PDZRN3: variants seen among roughly 807,000 people sequenced by gnomAD.
The protein encoded by PDZRN3 is E3 ubiquitin-protein ligase PDZRN3.
PDZRN3 carries 38 observed loss-of-function variants against 85.7 expected under a neutral mutation model. The ratio of observed to expected loss-of-function variants is 0.44; its 90% CI spans 0.34 to 0.58. The LOEUF is 0.58. PDZRN3 is among the 20% of genes least tolerant of loss of function. PDZRN3 has a pLI of 0.01. For missense variants in PDZRN3, 1,629 were observed against 1,506.4 expected (o/e 1.08, Z -1.35); for synonymous variants, 759 against 638.0 (o/e 1.19, Z -2.86).
At chr3:73,386,226 C>T (rs1182551847) in intron 8 of PDZRN3, among the ~76,000 whole-genome samples, 48 of 90,694 alleles carry the variant, frequency 5.3e-4, no homozygotes, top group East Asian at 1.3e-3. Flanking sequence ...CAAGATATCA[C>T]TTTTTTTTTT....
chr3:73,383,702 C>T lies in PDZRN3; in HGVS notation c.2864G>A (p.Ser955Asn). 1 of 1,611,648 alleles carries T rather than the reference C, an allele frequency of 6.2e-7. No homozygotes were observed. The highest frequency in any genetic ancestry group is 8.5e-7 in the Non-Finnish European group (1 of 1,180,018). ...CGCGTCGTCGTCGGTGGTCATGCCG[C>T]TGCGCTCTTCCCGGATCTTCAGGGC... ...ERALKIREER[S>N]GMTTDDDAVS... is the part of the protein sequence containing the mutation. Residue 955 changes from serine to asparagine, a missense_variant, in exon 10 of 10, where the codon AGC becomes AAC. Coordinates refer to ENST00000263666, the MANE Select transcript of PDZRN3 (RefSeq NM_015009.3).
intron 3 of PDZRN3, among the ~76,000 whole-genome samples, chr3:73,562,986 TATATA>T (rs1559739517): frequency 1.3e-4 from 3 of 22,924 alleles, no homozygotes; most frequent in Non-Finnish European, 2.2e-4. Context: ...TGGCAAATTA[TATATA>T]TATATATATA....
intron 3 of PDZRN3, among the ~76,000 whole-genome samples, chr3:73,582,808 T>C (rs1702220845): frequency 6.6e-6 from 1 of 152,148 alleles, no homozygotes; most frequent in Non-Finnish European, 1.5e-5. Flanking sequence ...TGCAGTGTTG[T>C]GGGGACAATG....
intron 3 of PDZRN3, among the ~76,000 whole-genome samples, chr3:73,513,247 T>C (rs1704199816): frequency 6.6e-6 from 1 of 152,222 alleles, no homozygotes; most frequent in South Asian, 2.1e-4. Context: ...TTCATAGTCA[T>C]CGTCTTCTTT....
intron 4 of PDZRN3, chr3:73,401,908 C>A (rs1323230132): frequency 6.6e-6 from 1 of 152,222 alleles, no homozygotes; most frequent in Admixed American, 6.5e-5. Flanking sequence ...TCTTCCCTCC[C>A]AGGCACTTAG....
intron 3 of PDZRN3, among the ~76,000 whole-genome samples, chr3:73,548,542 G>A (rs1701482270): frequency 6.6e-6 from 1 of 152,190 alleles, no homozygotes. Context: ...GACTTCCCTG[G>A]GATGTGGGCT....
intron 3 of PDZRN3, among the ~76,000 whole-genome samples, chr3:73,494,684 A>G (rs1293131122): frequency 3.3e-5 from 5 of 152,234 alleles, no homozygotes; most frequent in African/African-American, 9.6e-5. Context: ...TTCTTTAAAA[A>G]GCTTAATTTA....
At position 73,384,892 on chromosome 3, in the gene PDZRN3, G is replaced by C. The variant is rs771968144; in HGVS notation, c.1674C>G (p.Ala558=). The C allele has an allele frequency of 1.2e-6, 2 of 1,611,798 alleles. No individual in the cohort carries two copies. Among genetic ancestry groups the C allele is most frequent in the South Asian group, 2.2e-5 (2 of 90,872 alleles). Residue 558 remains alanine (A), a synonymous_variant, in exon 10 of 10, where the codon GCC becomes GCG. Transcript: ENST00000263666. ...TCTCGTGCTGGTTGGACAAGATGGT[G>C]GCTGTATCTGTGGTCCCACCGTCTT... ...HDEDGGTTDT[A]TILSNQHEKD...
chr3:73,620,723 C>T (rs1163048648), intron 1 of PDZRN3, among the ~76,000 whole-genome samples: 2 of 152,072 alleles, frequency 1.3e-5, no homozygotes, highest in East Asian at 1.9e-4. Flanking sequence ...ACTACAGGTG[C>T]CCGCCACCGC....
At position 73,382,878 on chromosome 3, in the gene PDZRN3, T is replaced by C. The variant is rs1288467160; in HGVS notation, c.*487A>G. The stretch of plus-strand genomic sequence containing the variant: ...GGTTGGGTGGTTTTGAGTTGAAACC[T>C]TCACCTAAATGATAATATCTTAACG... On this transcript the variant is annotated 3_prime_UTR_variant, in exon 10 of 10. Coordinates refer to ENST00000263666, the MANE Select transcript of PDZRN3 (RefSeq NM_015009.3). 3.2e-5 allele frequency: 5 copies of C among 155,396 alleles called. No homozygotes were observed. Among genetic ancestry groups the C allele is most frequent in the African/African-American group, 1.2e-4 (5 of 41,598 alleles). The allele number at this position is 155,396 out of a possible 1,614,324, so 9.6% of individuals were successfully genotyped here.
At chr3:73,609,893 T>C (rs546819263) in intron 1 of PDZRN3, among the ~76,000 whole-genome samples, 1 of 152,336 alleles carries the variant, frequency 6.6e-6, no homozygotes, top group African/African-American at 2.4e-5. Flanking sequence ...GGAGCACCGC[T>C]TCATTTATTG....
At chr3:73,414,514 A>G (rs562896111) in intron 3 of PDZRN3, among the ~76,000 whole-genome samples, 1 of 152,332 alleles carries the variant, frequency 6.6e-6, no homozygotes, top group East Asian at 1.9e-4. Context: ...TGGCTCCTGC[A>G]TAGCCAACTA....
At chr3:73,411,639 C>G (rs1425069719) in intron 3 of PDZRN3, among the ~76,000 whole-genome samples, 3 of 148,938 alleles carry the variant, frequency 2.0e-5, no homozygotes, top group Non-Finnish European at 4.4e-5. Context: ...GGCCTCCAGA[C>G]TCCTGCATTT....
chr3:73,572,963 T>C (rs1469554300), intron 3 of PDZRN3, among the ~76,000 whole-genome samples: 3 of 152,206 alleles, frequency 2.0e-5, no homozygotes, highest in Non-Finnish European at 4.4e-5. Flanking sequence ...ACACAACTCA[T>C]TAGCAAAAGG....
At chr3:73,492,445 T>A (rs149662670) in intron 3 of PDZRN3, among the ~76,000 whole-genome samples, 97 of 152,364 alleles carry the variant, frequency 6.4e-4, no homozygotes, top group Non-Finnish European at 1.1e-3. Flanking sequence ...TTGCCTTGAA[T>A]ATGCTCTAAA....
Position 73,504,537 on chromosome 3 carries a change from G to A in PDZRN3, c.918+97817C>T, listed in dbSNP as rs1003315279. Among the ~76,000 whole-genome samples, 3 of 152,072 alleles carry A rather than the reference G, an allele frequency of 2.0e-5. 1 individual carries two copies. Among genetic ancestry groups the A allele is most frequent in the South Asian group, 4.1e-4 (2 of 4,820 alleles). ...TCAGCCACACCAGTGGACTCAATTC[G>A]GCCCTGACATGCATCTGAACACTCT... is the stretch of plus-strand genomic sequence containing the variant. On this transcript the variant is annotated intron_variant, in intron 3 of 9. Transcript: ENST00000263666.
chr3:73,598,456 A>C (rs1702463086), intron 3 of PDZRN3, among the ~76,000 whole-genome samples: 1 of 152,228 alleles, frequency 6.6e-6, no homozygotes. Context: ...AGGACAGCTC[A>C]CAGGTAAGAG....
intron 3 of PDZRN3, among the ~76,000 whole-genome samples, chr3:73,508,328 T>A (rs1575698384): frequency 6.6e-6 from 1 of 152,210 alleles, no homozygotes; most frequent in East Asian, 1.9e-4. Context: ...CAGAGCTTCG[T>A]GCATAAACTC....
At chr3:73,389,748 A>C in intron 7 of PDZRN3, 68 bp downstream of exon 7, 1 of 1,144,042 alleles carries the variant, frequency 8.7e-7, no homozygotes, top group Non-Finnish European at 1.3e-6. Flanking sequence ...CCCTAGACCT[A>C]TCATTAGAAC....
Sources: gnomAD v4.1 joint callset for allele counts (sites outside exome capture counted in the v4.1 genomes callset) on GRCh38, gnomAD v4.1.1 for gene constraint, MANE v1.5 for transcripts, NCBI Gene and HGNC (gene_info 2026-07-23, HGNC 2026-07-21) for gene names.